The following RBFOX1 variants were observed in gnomAD, a reference collection of about 807,000 sequenced individuals.
RBFOX1 encodes RNA binding protein fox-1 homolog 1.
RBFOX1 carries 8 observed loss-of-function variants against 57.7 expected under a neutral mutation model. The observed-to-expected ratio is 0.14, with a 90% CI of 0.08 to 0.25. RBFOX1 has a LOEUF of 0.25. Among genes scored for constraint, RBFOX1 ranks in the 10% least tolerant of loss-of-function variants. The pLI, the probability that RBFOX1 is intolerant of heterozygous loss-of-function variation, is 1.00. For missense variants in RBFOX1, 611 were observed against 548.5 expected, an observed-to-expected ratio of 1.11 and a Z score of -1.14; for synonymous variants, 326 against 222.4, an observed-to-expected ratio of 1.47 and a Z score of -4.15.
At chr16:5,987,399 T>G (rs1471625649) in intron 4 of RBFOX1, among the ~76,000 whole-genome samples, 1 of 152,234 alleles carries the variant, frequency 6.6e-6, no homozygotes, top group Non-Finnish European at 1.5e-5. Flanking sequence ...TGAAGTCCAA[T>G]TTATGAATTT....
chr16:7,201,090 C>G (rs1186155073), intron 4 of RBFOX1, among the ~76,000 whole-genome samples: 1 of 152,088 alleles, frequency 6.6e-6, no homozygotes, highest in Non-Finnish European at 1.5e-5. Context: ...AAATTTATTT[C>G]TGAATGTAAA....
intron 4 of RBFOX1, among the ~76,000 whole-genome samples, chr16:5,987,328 G>A (rs1458685158): frequency 1.3e-5 from 2 of 152,136 alleles, no homozygotes; most frequent in African/African-American, 4.8e-5. Context: ...TCCCCCAGCT[G>A]TAGCTTGTCT....
chr16:5,929,413 A>G (rs78628084), intron 4 of RBFOX1, among the ~76,000 whole-genome samples: 4 of 152,198 alleles, frequency 2.6e-5, no homozygotes, highest in East Asian at 1.9e-4. Flanking sequence ...ATTGGGTTCA[A>G]ATTCTAGCTA....
intron 2 of RBFOX1, among the ~76,000 whole-genome samples, chr16:5,582,096 A>C (rs2046686603): frequency 6.6e-6 from 1 of 152,242 alleles, no homozygotes; most frequent in African/African-American, 2.4e-5. Context: ...AAGAGCTGAC[A>C]GCTCCCTCTT....
chr16:6,549,047 C>A (rs1333295070), intron 2 of RBFOX1, among the ~76,000 whole-genome samples: 1 of 143,758 alleles, frequency 7.0e-6, no homozygotes, highest in Non-Finnish European at 1.5e-5. Context: ...TGCACTCCAG[C>A]CTGGGCAACA....
At chr16:6,109,578 T>C (rs893628372) in intron 1 of RBFOX1, among the ~76,000 whole-genome samples, 1 of 152,196 alleles carries the variant, frequency 6.6e-6, no homozygotes, top group African/African-American at 2.4e-5. Flanking sequence ...CTTTCTCTAT[T>C]TTCTAGTGCA....
exon 3 of RBFOX1, chr16:5,599,505 A>T (rs1399135739): frequency 2.3e-6 from 1 of 442,834 alleles, no homozygotes; most frequent in Non-Finnish European, 4.0e-6. Context: ...CTGCACAGAT[A>T]CTTCTGAAAT....
intron 3 of RBFOX1, among the ~76,000 whole-genome samples, chr16:6,748,738 T>C (rs1479834867): frequency 1.3e-5 from 2 of 152,174 alleles, no homozygotes; most frequent in African/African-American, 2.4e-5. Flanking sequence ...TTGGAGTATA[T>C]AGATTTTGAA....
intron 4 of RBFOX1, among the ~76,000 whole-genome samples, chr16:7,355,061 G>A (rs965434188): frequency 6.6e-6 from 1 of 152,130 alleles, no homozygotes; most frequent in Non-Finnish European, 1.5e-5. Context: ...TAACGCATGA[G>A]GTCTTAGTTA....
chr16:6,970,274 TTCAA>T (rs1277685238), intron 3 of RBFOX1, among the ~76,000 whole-genome samples: 2 of 152,164 alleles, frequency 1.3e-5, no homozygotes, highest in East Asian at 3.8e-4. Flanking sequence ...GCAGGGTACT[TTCAA>T]TGACCCAACA....
intron 4 of RBFOX1, among the ~76,000 whole-genome samples, chr16:7,192,218 G>T (rs970122959): frequency 4.6e-5 from 7 of 152,220 alleles, no homozygotes; most frequent in African/African-American, 1.7e-4. Flanking sequence ...GTGTTTTACT[G>T]GCATTTTATT....
intron 3 of RBFOX1, among the ~76,000 whole-genome samples, chr16:6,767,021 G>A (rs891497891): frequency 3.3e-5 from 5 of 152,080 alleles, no homozygotes; most frequent in African/African-American, 4.8e-5. Context: ...TTCTGGTCAT[G>A]GCGAGGTCTT....
rs140339774 is a variant in RBFOX1 at position 7,267,257 on chromosome 16, G to A, written c.27+215159G>A. Among the ~76,000 whole-genome samples the A allele has an allele frequency of 3.0e-3, 458 of 151,882 alleles. 1 individual carries two copies. Among genetic ancestry groups the A allele is most frequent in the African/African-American group, 0.011 (437 of 41,410 alleles). ...CTACTAAAAATACAAAAATTTAGCT[G>A]GGCACGGTGGCTCATGCCTGTAATG... On this transcript the variant is annotated intron_variant, in intron 4 of 15. Transcript: ENST00000550418.
upstream of RBFOX1, among the ~76,000 whole-genome samples, chr16:6,018,388 C>G (rs1405362493): frequency 6.6e-6 from 1 of 152,214 alleles, no homozygotes. Flanking sequence ...GTGCTTAAAA[C>G]AGCATCTGGT....
intron 5 of RBFOX1, among the ~76,000 whole-genome samples, chr16:7,539,533 G>A (rs1179769448): frequency 6.6e-6 from 1 of 152,212 alleles, no homozygotes; most frequent in Non-Finnish European, 1.5e-5. Flanking sequence ...AACAGATAAT[G>A]TGTTTCCTCA....
chr16:6,111,923 G>C (rs967181344), intron 1 of RBFOX1, among the ~76,000 whole-genome samples: 1 of 152,154 alleles, frequency 6.6e-6, no homozygotes, highest in African/African-American at 2.4e-5. Flanking sequence ...TGGCTCAGAG[G>C]ATAAGTGGTT....
intron 3 of RBFOX1, among the ~76,000 whole-genome samples, chr16:5,652,951 C>G (rs769471291): frequency 5.3e-5 from 8 of 152,212 alleles, no homozygotes; most frequent in Admixed American, 2.0e-4. Context: ...GTGACTGGGT[C>G]TCTGCTGCAC....
intron 2 of RBFOX1, among the ~76,000 whole-genome samples, chr16:5,547,222 T>C (rs1415706303): frequency 6.6e-6 from 1 of 152,196 alleles, no homozygotes; most frequent in Admixed American, 6.5e-5. Context: ...CATGCACCTG[T>C]CATGTCATCT....
chr16:7,185,782 A>C (rs890694694), intron 4 of RBFOX1, among the ~76,000 whole-genome samples: 2 of 152,204 alleles, frequency 1.3e-5, no homozygotes, highest in East Asian at 3.8e-4. Flanking sequence ...AAGTCTTTAC[A>C]CTGGCATATG....
Sources: allele counts gnomAD v4.1 joint callset (sites outside exome capture counted in the v4.1 genomes callset), GRCh38; gene constraint gnomAD v4.1.1; transcripts MANE v1.5; gene names NCBI Gene and HGNC (gene_info 2026-07-23, HGNC 2026-07-21).